The following UCHL3 variants were observed in gnomAD, a reference collection of about 807,000 sequenced individuals.
The protein encoded by UCHL3 is ubiquitin carboxyl-terminal hydrolase isozyme L3.
UCHL3 carries 22 observed loss-of-function variants against 35.8 expected under a neutral mutation model. The observed-to-expected ratio is 0.61, with a 90% CI of 0.44 to 0.88. The LOEUF (loss-of-function observed/expected upper bound fraction) is 0.88. Ranked by LOEUF, UCHL3 falls within the 40% of genes least tolerant of loss-of-function variation. The pLI is 0.00. For synonymous variants in UCHL3, 90 were observed against 92.8 expected, an observed-to-expected ratio of 0.97 and a Z score of 0.17; for missense variants, 229 against 276.9, an observed-to-expected ratio of 0.83 and a Z score of 1.23.
At chr13:75,583,276 T>C (rs995078171) in intron 6 of UCHL3, among the ~76,000 whole-genome samples, 27 of 152,178 alleles carry the variant, frequency 1.8e-4, no homozygotes, top group African/African-American at 6.5e-4. Flanking sequence ...TGTAAAACAT[T>C]AGTCACATAC....
At chr13:75,604,118 A>C (rs1476655793) in intron 7 of UCHL3, among the ~76,000 whole-genome samples, 4 of 152,158 alleles carry the variant, frequency 2.6e-5, no homozygotes, top group African/African-American at 9.7e-5. Context: ...ATGAAGAGCC[A>C]CTTACAAGAC....
intron 3 of UCHL3, among the ~76,000 whole-genome samples, chr13:75,564,099 T>C (rs1361279724): frequency 6.6e-6 from 1 of 152,178 alleles, no homozygotes; most frequent in Non-Finnish European, 1.5e-5. Flanking sequence ...ATTTGGTTTG[T>C]TTCCATATCT....
chr13:75,602,033 C>T (rs550738521), intron 7 of UCHL3, among the ~76,000 whole-genome samples: 20 of 151,954 alleles, frequency 1.3e-4, no homozygotes, highest in African/African-American at 3.4e-4. Context: ...GGCGTGAACC[C>T]GGGAGGCAGA....
chr13:75,551,715 G>A (rs1217350043), intron 2 of UCHL3, among the ~76,000 whole-genome samples: 3 of 152,210 alleles, frequency 2.0e-5, no homozygotes, highest in Admixed American at 6.5e-5. Context: ...TTTAGATGAT[G>A]TTGATTGTTT....
At chr13:75,572,430 C>T (rs1248618807) in intron 6 of UCHL3, among the ~76,000 whole-genome samples, 6 of 152,216 alleles carry the variant, frequency 3.9e-5, no homozygotes, top group African/African-American at 9.6e-5. Context: ...GTTTACTTGG[C>T]GTTATTCCCA....
intron 6 of UCHL3, among the ~76,000 whole-genome samples, chr13:75,577,918 T>G (rs1161542523): frequency 6.6e-6 from 1 of 152,210 alleles, no homozygotes; most frequent in East Asian, 1.9e-4. Flanking sequence ...GAGATCACCT[T>G]ATGATTTATT....
chr13:75,593,422 A>G (rs1328816902), intron 6 of UCHL3, among the ~76,000 whole-genome samples: 1 of 152,194 alleles, frequency 6.6e-6, no homozygotes, highest in Non-Finnish European at 1.5e-5. Flanking sequence ...AAATATGTTC[A>G]GGAGGGATTA....
chr13:75,592,456 A>G (rs1566228211), intron 6 of UCHL3, among the ~76,000 whole-genome samples: 4 of 119,060 alleles, frequency 3.4e-5, no homozygotes, highest in Non-Finnish European at 7.0e-5. Flanking sequence ...ATATATATAT[A>G]TATATATATA....
chr13:75,564,219 C>T (rs552591802), intron 3 of UCHL3, among the ~76,000 whole-genome samples: 24 of 151,456 alleles, frequency 1.6e-4, no homozygotes, highest in African/African-American at 2.7e-4. Flanking sequence ...GGTGCGATCT[C>T]GGCTCACTGC....
At chr13:75,563,575 G>A (rs553272842) in intron 3 of UCHL3, among the ~76,000 whole-genome samples, 1 of 152,238 alleles carries the variant, frequency 6.6e-6, no homozygotes, top group South Asian at 2.1e-4. Flanking sequence ...AGTTACAATA[G>A]TGAAGCAGAT....
At chr13:75,587,332 A>G (rs2032354000) in intron 6 of UCHL3, among the ~76,000 whole-genome samples, 1 of 152,116 alleles carries the variant, frequency 6.6e-6, no homozygotes. Context: ...CATGATGAAT[A>G]AATTTAATAT....
intron 3 of UCHL3, among the ~76,000 whole-genome samples, chr13:75,565,509 G>A (rs569065481): frequency 5.1e-4 from 77 of 152,216 alleles, no homozygotes; most frequent in African/African-American, 1.7e-3. Context: ...TATAGACATC[G>A]TTTGTTTCTT....
At chr13:75,566,562 A>C in intron 3 of UCHL3, 133 bp from the exon 4 acceptor site, 5 of 588,020 alleles carry the variant, frequency 8.5e-6, no homozygotes, top group Non-Finnish European at 1.3e-5. Flanking sequence ...GGTAGGTGAT[A>C]AATTAATTCT....
intron 6 of UCHL3, among the ~76,000 whole-genome samples, chr13:75,583,020 T>TG (rs2032227276): frequency 6.6e-6 from 1 of 152,204 alleles, no homozygotes; most frequent in African/African-American, 2.4e-5. Context: ...ATTATACAGT[T>TG]GGAGATATTT....
chr13:75,592,425 T>TATATATGTATATACATATATAC (rs2032507315), intron 6 of UCHL3, among the ~76,000 whole-genome samples: 1 of 63,454 alleles, frequency 1.6e-5, no homozygotes, highest in East Asian at 3.7e-4. Context: ...CATATATATA[T>TATATATGTATATACATATATAC]ATATATATAT....
At chr13:75,551,963 T>G (rs375530393) in intron 2 of UCHL3, among the ~76,000 whole-genome samples, 8 of 152,224 alleles carry the variant, frequency 5.3e-5, no homozygotes, top group African/African-American at 1.9e-4. Context: ...TTAGCATTTA[T>G]TATAAGTACA....
intron 6 of UCHL3, among the ~76,000 whole-genome samples, chr13:75,575,886 G>T (rs1372862947): frequency 6.6e-6 from 1 of 152,004 alleles, no homozygotes; most frequent in Non-Finnish European, 1.5e-5. Context: ...CAAGTAGCTG[G>T]GACTACAGGT....
At chr13:75,563,320 C>T (rs2031578634) in intron 3 of UCHL3, among the ~76,000 whole-genome samples, 3 of 152,080 alleles carry the variant, frequency 2.0e-5, no homozygotes, top group Admixed American at 1.3e-4. Flanking sequence ...GGATTTCAGG[C>T]GTGTGCCACT....
At chr13:75,557,908 A>G (rs2031345603) in intron 2 of UCHL3, among the ~76,000 whole-genome samples, 1 of 151,698 alleles carries the variant, frequency 6.6e-6, no homozygotes, top group Middle Eastern at 3.4e-3. Context: ...GCATATGATC[A>G]TTTCAAACAC....
Sources: allele counts gnomAD v4.1 joint callset (sites outside exome capture counted in the v4.1 genomes callset), GRCh38; gene constraint gnomAD v4.1.1; transcripts MANE v1.5; gene names NCBI Gene and HGNC (gene_info 2026-07-23, HGNC 2026-07-21).